Variants in CTNNA3 observed in about 807,000 individuals in gnomAD.
CTNNA3 encodes catenin alpha-3.
CTNNA3 carries 76 observed loss-of-function variants against 95.7 expected under a neutral mutation model. That is an observed-to-expected ratio of 0.79 (90% CI 0.66 to 0.96). The LOEUF (loss-of-function observed/expected upper bound fraction) is 0.96, where lower values mean the gene tolerates loss of function less well. Among genes scored for constraint, CTNNA3 ranks in the 40% least tolerant of loss-of-function variants. The pLI is 0.00. For missense variants in CTNNA3, 1,191 were observed against 1,089.8 expected, an observed-to-expected ratio of 1.09 and a Z score of -1.31; for synonymous variants, 431 against 374.4, an observed-to-expected ratio of 1.15 and a Z score of -1.74.
chr10:66,090,390 TA>T (rs1456216053), intron 14 of CTNNA3, among the ~76,000 whole-genome samples: 5 of 151,992 alleles, frequency 3.3e-5, no homozygotes, highest in African/African-American at 1.2e-4. Context: ...ACAACCGTGA[TA>T]GTGGTGGTGG....
At chr10:66,587,359 T>A (rs1843394389) in intron 10 of CTNNA3, among the ~76,000 whole-genome samples, 1 of 152,076 alleles carries the variant, frequency 6.6e-6, no homozygotes, top group South Asian at 2.1e-4. Flanking sequence ...GCACCAGCTG[T>A]GGAGGTAGTG....
At chr10:66,610,914 A>G (rs1217486134) in intron 10 of CTNNA3, among the ~76,000 whole-genome samples, 1 of 152,172 alleles carries the variant, frequency 6.6e-6, no homozygotes, top group Non-Finnish European at 1.5e-5. Context: ...GAATAAATAA[A>G]AAAATGTGGC....
intron 3 of CTNNA3, among the ~76,000 whole-genome samples, chr10:67,572,227 A>G (rs1205958711): frequency 7.2e-5 from 11 of 152,232 alleles, no homozygotes; most frequent in Non-Finnish European, 1.6e-4. Flanking sequence ...AAATGCTAAT[A>G]ATTTTTAAAA....
intron 9 of CTNNA3, among the ~76,000 whole-genome samples, chr10:66,651,268 T>C (rs1276749739): frequency 1.3e-5 from 2 of 152,088 alleles, no homozygotes; most frequent in South Asian, 2.1e-4. Context: ...ATTAGCTAGA[T>C]ATGGAGTGCT....
chr10:67,215,170 C>T (rs1412705998), intron 6 of CTNNA3, among the ~76,000 whole-genome samples: 2 of 152,064 alleles, frequency 1.3e-5, no homozygotes, highest in Non-Finnish European at 2.9e-5. Context: ...AATTCTCTAA[C>T]CTAATCACCT....
intron 12 of CTNNA3, among the ~76,000 whole-genome samples, chr10:66,361,731 T>C (rs537586563): frequency 6.6e-6 from 1 of 151,894 alleles, no homozygotes; most frequent in South Asian, 2.1e-4. Context: ...AGAGATGAGA[T>C]CTCACTATAT....
intron 5 of CTNNA3, among the ~76,000 whole-genome samples, chr10:67,489,576 A>G (rs1415375698): frequency 6.6e-6 from 1 of 152,104 alleles, no homozygotes; most frequent in African/African-American, 2.4e-5. Context: ...AAGTATCTGG[A>G]AAAAAATCAA....
Position 66,280,583 on chromosome 10 carries a change from C to G in CTNNA3, c.1771G>C (p.Glu591Gln). 1.2e-6 allele frequency: 2 copies of G among 1,608,094 alleles called. No homozygotes were observed. Among genetic ancestry groups the G allele is most frequent in the South Asian group, 2.2e-5 (2 of 90,516 alleles). Residue 591 changes from glutamate (E) to glutamine (Q), a missense_variant, in exon 13 of 18, where the codon GAA (glutamate) becomes CAA (glutamine). Physicochemically the swap from Glu to Gln is conservative, Grantham distance 29. Coordinates refer to ENST00000433211, the MANE Select transcript of CTNNA3 (RefSeq NM_013266.4). Reference sequence around the variant, plus strand: ...TTCAATGAGCTTTTGCTTAAGGCTTCCAAGGCAACATTCACTTGTGTTACA... The same window carrying G: ...TTCAATGAGCTTTTGCTTAAGGCTTGCAAGGCAACATTCACTTGTGTTACA... ...EFVTQVNVAL[E>Q]ALSKSSLNVL... is the part of the protein sequence containing the mutation.
At chr10:67,665,398 A>G (rs1840308227) in intron 1 of CTNNA3, 1 of 152,206 alleles carries the variant, frequency 6.6e-6, no homozygotes, top group Admixed American at 6.6e-5. Context: ...GCACAACATA[A>G]TAGTTTCTAT....
intron 5 of CTNNA3, among the ~76,000 whole-genome samples, chr10:67,253,270 G>C (rs1176349658): frequency 6.6e-6 from 1 of 152,132 alleles, no homozygotes; most frequent in Non-Finnish European, 1.5e-5. Context: ...TCACATCTCA[G>C]CAGGACTGAG....
intron 5 of CTNNA3, among the ~76,000 whole-genome samples, chr10:67,408,586 C>A (rs1313589748): frequency 6.6e-6 from 1 of 151,960 alleles, no homozygotes; most frequent in Admixed American, 6.6e-5. Flanking sequence ...AAAATCAACT[C>A]AAGATGAATT....
At chr10:66,120,855 A>G (rs1428880883) in intron 13 of CTNNA3, among the ~76,000 whole-genome samples, 1 of 152,210 alleles carries the variant, frequency 6.6e-6, no homozygotes, top group Non-Finnish European at 1.5e-5. Context: ...AGGAAAAGAA[A>G]GCAGGAGAGA....
rs185848977 is a variant in CTNNA3, at chr10:67,202,493, C to T, written c.843+17114G>A. ...AACAAGGAACTCTACAACTTACTAC[C>T]CTCCATCTCTTGATAAAAGTAAAAA... is the stretch of plus-strand genomic sequence containing the variant. On this transcript the variant is annotated intron_variant, in intron 6 of 17. Coordinates refer to ENST00000433211, the MANE Select transcript of CTNNA3 (RefSeq NM_013266.4). Among the ~76,000 whole-genome samples, 208 of 152,220 alleles carry T rather than the reference C, an allele frequency of 1.4e-3. 3 individuals carry two copies. Among genetic ancestry groups the T allele is most frequent in the African/African-American group, 4.8e-3 (200 of 41,552 alleles).
At chr10:66,802,174 C>A (rs1354024424) in intron 7 of CTNNA3, among the ~76,000 whole-genome samples, 2 of 151,298 alleles carry the variant, frequency 1.3e-5, no homozygotes, top group African/African-American at 2.4e-5. Context: ...TTGGAGAGGG[C>A]AAAGATTTTT....
chr10:66,407,159 T>A (rs1215440079), intron 11 of CTNNA3, among the ~76,000 whole-genome samples: 2 of 151,266 alleles, frequency 1.3e-5, no homozygotes, highest in East Asian at 3.9e-4. Context: ...TTCTTAAAAG[T>A]GCATGTATTC....
intron 5 of CTNNA3, among the ~76,000 whole-genome samples, chr10:67,456,464 G>A (rs1319845108): frequency 1.3e-5 from 2 of 152,054 alleles, no homozygotes; most frequent in Non-Finnish European, 2.9e-5. Flanking sequence ...AGACTTGTGG[G>A]AAAATATGTG....
intron 9 of CTNNA3, among the ~76,000 whole-genome samples, chr10:66,690,316 AT>A (rs1214406933): frequency 3.3e-5 from 5 of 151,846 alleles, no homozygotes; most frequent in Non-Finnish European, 5.9e-5. Context: ...ACGTCTTTTA[AT>A]TTTTTTCTTT....
chr10:66,847,573 A>C (rs185479847), intron 7 of CTNNA3, among the ~76,000 whole-genome samples: 158 of 152,296 alleles, frequency 1.0e-3, no homozygotes, highest in Middle Eastern at 3.4e-3. Context: ...CTCATCATTA[A>C]AATAATACTC....
At chr10:67,580,265 T>C (rs185280669) in intron 3 of CTNNA3, among the ~76,000 whole-genome samples, 9 of 152,364 alleles carry the variant, frequency 5.9e-5, no homozygotes, top group Admixed American at 3.3e-4. Context: ...GTTTTAACTT[T>C]CTACATATGG....
Sources: allele counts gnomAD v4.1 joint callset (sites outside exome capture counted in the v4.1 genomes callset), GRCh38; gene constraint gnomAD v4.1.1; transcripts MANE v1.5; gene names NCBI Gene and HGNC (gene_info 2026-07-23, HGNC 2026-07-21).